Variants in TTC21B observed in about 807,000 individuals in gnomAD.
The protein encoded by TTC21B is tetratricopeptide repeat protein 21B.
In TTC21B, 127 loss-of-function variants were observed where a neutral mutation model predicts 175.1. That is an observed-to-expected ratio of 0.73 (90% CI 0.63 to 0.84). The LOEUF (loss-of-function observed/expected upper bound fraction) is 0.84, where lower values mean the gene tolerates loss of function less well. Ranked by LOEUF, TTC21B falls within the 40% of genes least tolerant of loss-of-function variation. The pLI, the probability that TTC21B is intolerant of heterozygous loss-of-function variation, is 0.00. For synonymous variants in TTC21B, 524 were observed against 524.5 expected, an observed-to-expected ratio of 1.00 and a Z score of 0.01; for missense variants, 1,561 against 1,558.3, an observed-to-expected ratio of 1.00 and a Z score of -0.03.
intron 22 of TTC21B, among the ~76,000 whole-genome samples, chr2:165,897,339 A>G: frequency 6.6e-6 from 1 of 152,154 alleles, no homozygotes; most frequent in East Asian, 1.9e-4. Flanking sequence ...AGGTGGTAAA[A>G]AGTGATGGCA....
intron 22 of TTC21B, among the ~76,000 whole-genome samples, chr2:165,895,739 G>A (rs908483350): frequency 9.9e-5 from 15 of 152,240 alleles, no homozygotes; most frequent in Admixed American, 4.6e-4. Flanking sequence ...TGGACCCAGA[G>A]TGAGTGGAAG....
chr2:165,920,745 C>CTAAATATTTAAAACATTTTGAAATATTT (rs1686359600), intron 12 of TTC21B, among the ~76,000 whole-genome samples: 1 of 135,938 alleles, frequency 7.4e-6, no homozygotes, highest in African/African-American at 2.8e-5. Flanking sequence ...GGGTAGGATA[C>CTAAATATTTAAAACATTTTGAAATATTT]TAAATATTTA....
chr2:165,924,167 C>A (rs1686531393), intron 12 of TTC21B, among the ~76,000 whole-genome samples: 1 of 152,136 alleles, frequency 6.6e-6, no homozygotes, highest in Admixed American at 6.5e-5. Flanking sequence ...AGAAACTAAA[C>A]AAGAATTACT....
In TTC21B at chr2:165,888,704, T is replaced by C. The variant is rs1529648; in HGVS notation, c.3264-230A>G. ...TTAATATGGACTCAATAAAACACCA[T>C]TAAGCATTAATTTCCTCTAGAATGA... On this transcript the variant is annotated intron_variant, in intron 24 of 28. Coordinates refer to ENST00000243344, the MANE Select transcript of TTC21B (RefSeq NM_024753.5). Among the ~76,000 whole-genome samples the C allele has an allele frequency of 0.26, 38,822 of 152,122 alleles. 5,563 individuals are homozygous for C. The highest frequency in any genetic ancestry group is 0.44 in the Middle Eastern group (129 of 292).
At chr2:165,902,993 T>TC (rs1366890623) in intron 19 of TTC21B, among the ~76,000 whole-genome samples, 1 of 152,206 alleles carries the variant, frequency 6.6e-6, no homozygotes, top group African/African-American at 2.4e-5. Flanking sequence ...GGCAGCAGCC[T>TC]CCAAGAATTT....
intron 19 of TTC21B, among the ~76,000 whole-genome samples, chr2:165,902,750 A>T (rs113115448): frequency 0.012 from 1,813 of 152,318 alleles, 37 homozygotes; most frequent in African/African-American, 0.041. Flanking sequence ...ACATATATAC[A>T]CATTCATGCA....
chr2:165,931,415 T>C (rs980744151), intron 8 of TTC21B, among the ~76,000 whole-genome samples: 3 of 152,146 alleles, frequency 2.0e-5, no homozygotes, highest in Non-Finnish European at 4.4e-5. Context: ...TTATACACTT[T>C]AAAACTTTTT....
At chr2:165,876,132 A>G (rs778064845) in intron 28 of TTC21B, 33 bp downstream of exon 28, 5 of 1,385,024 alleles carry the variant, frequency 3.6e-6, no homozygotes, top group Non-Finnish European at 5.1e-6. Context: ...GTGCATCTGA[A>G]AAATTTTAAG....
chr2:165,893,619 A>G (rs1685268578), intron 22 of TTC21B, among the ~76,000 whole-genome samples: 1 of 152,090 alleles, frequency 6.6e-6, no homozygotes, highest in South Asian at 2.1e-4. Context: ...TTATTGATGA[A>G]TAGTAGGAAG....
rs1685931105 is a variant in TTC21B at position 165,911,466 on chromosome 2, C to T, written c.2323-1G>A. 1 of 1,613,498 alleles carries T rather than the reference C, an allele frequency of 6.2e-7. No homozygotes were observed. The highest frequency in any genetic ancestry group is 1.3e-5 in the African/African-American group (1 of 74,944). On this transcript the variant is annotated splice_acceptor_variant, in intron 17 of 28. Coordinates refer to ENST00000243344, the MANE Select transcript of TTC21B (RefSeq NM_024753.5). LOFTEE classifies it high-confidence loss of function. ...GAGCAGCTTCATAGTAAGTGATTGC[C>T]TAAACAAAATTCATTCCATTTAAGG...
intron 25 of TTC21B, 138 bp from the exon 26 acceptor site, chr2:165,884,156 G>T (rs750892738): frequency 1.3e-6 from 1 of 757,926 alleles, no homozygotes; most frequent in East Asian, 2.7e-5. Flanking sequence ...TGTGATTACA[G>T]GTCATTATTT....
At chr2:165,940,706 T>C (rs189804695) in intron 6 of TTC21B, among the ~76,000 whole-genome samples, 2 of 152,306 alleles carry the variant, frequency 1.3e-5, no homozygotes, top group South Asian at 2.1e-4. Flanking sequence ...ATAGCACTTA[T>C]ACTTTCTAAC....
At chr2:165,915,100 A>C in intron 15 of TTC21B, 101 bp downstream of exon 15, 1 of 960,820 alleles carries the variant, frequency 1.0e-6, no homozygotes, top group Non-Finnish European at 1.7e-6. Flanking sequence ...AACGATCTGT[A>C]AAGTATTTGT....
At chr2:165,882,438 G>T (rs987639502) in intron 26 of TTC21B, among the ~76,000 whole-genome samples, 6 of 152,078 alleles carry the variant, frequency 3.9e-5, no homozygotes, top group Non-Finnish European at 7.4e-5. Flanking sequence ...CAGATTTTAT[G>T]TATTTCAATA....
At chr2:165,897,453 G>C (rs949053934) in intron 22 of TTC21B, among the ~76,000 whole-genome samples, 2 of 152,130 alleles carry the variant, frequency 1.3e-5, no homozygotes, top group Non-Finnish European at 2.9e-5. Flanking sequence ...GGTCTGGGCC[G>C]GCACAACAGT....
intron 4 of TTC21B, among the ~76,000 whole-genome samples, chr2:165,944,206 C>A (rs1047130786): frequency 1.3e-5 from 2 of 152,086 alleles, no homozygotes; most frequent in South Asian, 4.1e-4. Context: ...CTAAATTTTT[C>A]TTTTTCCAGA....
At chr2:165,918,624 T>A in intron 13 of TTC21B, among the ~76,000 whole-genome samples, 2 of 152,098 alleles carry the variant, frequency 1.3e-5, no homozygotes, top group East Asian at 3.9e-4. Flanking sequence ...GATTCTCTAA[T>A]TCACTGAAGG....
At chr2:165,892,209 C>A (rs1685218858) in intron 22 of TTC21B, among the ~76,000 whole-genome samples, 2 of 152,044 alleles carry the variant, frequency 1.3e-5, no homozygotes, top group Non-Finnish European at 2.9e-5. Context: ...TTGTAAAAAC[C>A]CTTAAATAAG....
chr2:165,946,948 T>C (rs1162850933), intron 3 of TTC21B, among the ~76,000 whole-genome samples: 1 of 151,872 alleles, frequency 6.6e-6, no homozygotes, highest in African/African-American at 2.4e-5. Context: ...TGTATAATGG[T>C]TCTAACCACA....
Sources: allele counts gnomAD v4.1 joint callset (sites outside exome capture counted in the v4.1 genomes callset), GRCh38; gene constraint gnomAD v4.1.1; transcripts MANE v1.5; gene names NCBI Gene and HGNC (gene_info 2026-07-23, HGNC 2026-07-21).